RHOT1: variants seen among roughly 807,000 people sequenced by gnomAD.
The protein encoded by RHOT1 is mitochondrial Rho GTPase 1.
Under a neutral mutation model 95.3 loss-of-function variants are expected in RHOT1, and 27 were observed. The ratio of observed to expected loss-of-function variants is 0.28; its 90% CI spans 0.21 to 0.39. RHOT1 has a LOEUF of 0.39. Ranked by LOEUF, RHOT1 falls within the 10% of genes least tolerant of loss-of-function variation. The pLI, the probability that RHOT1 is intolerant of heterozygous loss-of-function variation, is 1.00. For synonymous variants in RHOT1, 227 were observed against 263.5 expected (o/e 0.86, Z 1.34); for missense variants, 578 against 786.7 (o/e 0.73, Z 3.17).
chr17:32,192,053 G>A lies in RHOT1; in HGVS notation c.541-148G>A. 2 of 543,698 alleles carry A rather than the reference G, an allele frequency of 3.7e-6. 1 individual carries two copies. Among genetic ancestry groups the A allele is most frequent in the South Asian group, 5.5e-5 (2 of 36,646 alleles). The allele number at this position is 543,698 out of a possible 1,614,324, so 33.7% of individuals were successfully genotyped here. A position where few individuals can be genotyped will look rare whatever the true frequency, so the allele number is the denominator to read the frequency against. The stretch of plus-strand genomic sequence containing the variant: ...AATATTGCCTCATTTACTTAAAAAG[G>A]CTTGCATATAAAGTAAATGGCTTTG... On this transcript the variant is annotated intron_variant, in intron 8 of 19. Transcript: ENST00000545287.
chr17:32,171,276 A>T (rs1234885027), intron 2 of RHOT1, among the ~76,000 whole-genome samples, 175 bp downstream of exon 2: 1 of 152,140 alleles, frequency 6.6e-6, no homozygotes, highest in Non-Finnish European at 1.5e-5. Context: ...GCTGGAGTGC[A>T]GTGGTGCCAT....
chr17:32,149,417 A>C (rs1460438961), intron 1 of RHOT1, among the ~76,000 whole-genome samples: 3 of 147,612 alleles, frequency 2.0e-5, no homozygotes, highest in Admixed American at 6.8e-5. Flanking sequence ...TGTTTATATC[A>C]TATTTGCCAT....
At chr17:32,216,933 A>G (rs1342594356) in intron 19 of RHOT1, among the ~76,000 whole-genome samples, 23 of 152,128 alleles carry the variant, frequency 1.5e-4, no homozygotes, top group Non-Finnish European at 1.5e-5. Flanking sequence ...TCCTTATAAG[A>G]CTGTTTGTGA....
intron 18 of RHOT1, chr17:32,208,530 G>A: frequency 3.8e-6 from 2 of 532,736 alleles, no homozygotes; most frequent in Non-Finnish European, 3.4e-6. Context: ...TTTTTGAGCA[G>A]GCTGTAACTA....
At chr17:32,182,988 C>A in intron 7 of RHOT1, 123 bp downstream of exon 7, 1 of 763,158 alleles carries the variant, frequency 1.3e-6, no homozygotes, top group Non-Finnish European at 2.1e-6. Flanking sequence ...TCACGTAAAC[C>A]AAATAAAACA....
chr17:32,192,501 A>G (rs2036564828), intron 9 of RHOT1, among the ~76,000 whole-genome samples: 1 of 152,018 alleles, frequency 6.6e-6, no homozygotes, highest in East Asian at 1.9e-4. Context: ...TGATAGCTTC[A>G]TTTTATGGTA....
intron 1 of RHOT1, among the ~76,000 whole-genome samples, chr17:32,151,987 C>T (rs149441981): frequency 0.014 from 2,177 of 151,270 alleles, 25 homozygotes; most frequent in Non-Finnish European, 0.021. Context: ...ACTTCACAAA[C>T]TAGATGGTAT....
intron 6 of RHOT1, among the ~76,000 whole-genome samples, chr17:32,178,405 T>C (rs540107761): frequency 6.6e-6 from 1 of 152,256 alleles, no homozygotes; most frequent in South Asian, 2.1e-4. Flanking sequence ...TTGACCGGGC[T>C]GGTCTCCAGC....
At chr17:32,177,033 T>TA (rs1349306806) in intron 6 of RHOT1, among the ~76,000 whole-genome samples, 2 of 152,208 alleles carry the variant, frequency 1.3e-5, no homozygotes, top group Non-Finnish European at 2.9e-5. Context: ...CCCTCTGTCT[T>TA]ACATATTTTG....
chr17:32,155,684 G>A (rs1048980727), intron 1 of RHOT1, among the ~76,000 whole-genome samples: 16 of 150,988 alleles, frequency 1.1e-4, no homozygotes, highest in African/African-American at 3.4e-4. Flanking sequence ...CTGAGACTAT[G>A]GGTGTGTGCC....
At chr17:32,183,905 C>T (rs759413904) in intron 8 of RHOT1, among the ~76,000 whole-genome samples, 15 of 152,248 alleles carry the variant, frequency 9.9e-5, no homozygotes, top group Middle Eastern at 6.8e-3. Context: ...AGGCTGATCT[C>T]GAACTCCTGA....
chr17:32,193,204 T>C lies in RHOT1; in HGVS notation c.708T>C (p.His236=). The change falls in exon 10 of 20, where the codon CAT becomes CAC. Residue 236 remains histidine (H), a synonymous_variant. Transcript: ENST00000545287. ...LEDVKNVVRK[H]ISDGVADSGL... is the part of the protein sequence containing the mutation. ...ATGTCAAGAATGTAGTCAGAAAACA[T>C]ATAAGTGATGGTGTGGCTGACAGTG... is the stretch of plus-strand genomic sequence containing the variant. 6.2e-7 allele frequency: 1 copy of C among 1,613,780 alleles called. No individual in the cohort carries two copies. Among genetic ancestry groups the C allele is most frequent in the South Asian group, 1.1e-5 (1 of 91,024 alleles).
chr17:32,208,037 G>T, intron 17 of RHOT1, 70 bp from the exon 18 acceptor site: 2 of 1,378,620 alleles, frequency 1.5e-6, no homozygotes, highest in Non-Finnish European at 2.0e-6. Flanking sequence ...GGAAATGCTT[G>T]GTTCACATTT....
intron 8 of RHOT1, among the ~76,000 whole-genome samples, chr17:32,184,695 G>A (rs1277629316): frequency 6.6e-6 from 1 of 151,660 alleles, no homozygotes; most frequent in African/African-American, 2.4e-5. Context: ...ACAGGGTTTC[G>A]CCATGTTGCC....
At chr17:32,144,334 G>A (rs1343928705) in intron 1 of RHOT1, among the ~76,000 whole-genome samples, 1 of 151,734 alleles carries the variant, frequency 6.6e-6, no homozygotes, top group Non-Finnish European at 1.5e-5. Context: ...GATCACTTGA[G>A]GTCAGGAGTT....
chr17:32,171,607 T>G (rs958987372), intron 2 of RHOT1, among the ~76,000 whole-genome samples: 3 of 152,228 alleles, frequency 2.0e-5, no homozygotes, highest in Non-Finnish European at 4.4e-5. Context: ...GACCCTTTCT[T>G]AAAAATAAAA....
intron 6 of RHOT1, among the ~76,000 whole-genome samples, chr17:32,178,210 C>G (rs188307561): frequency 0.014 from 2,108 of 149,380 alleles, 20 homozygotes; most frequent in Non-Finnish European, 0.022. Context: ...CCCTCCCCCC[C>G]CCCAGTGATC....
intron 19 of RHOT1, among the ~76,000 whole-genome samples, chr17:32,217,945 C>G (rs778215747): frequency 6.6e-6 from 1 of 151,572 alleles, no homozygotes; most frequent in South Asian, 2.1e-4. Context: ...TCATCGCAAC[C>G]CCCACCTCCC....
intron 1 of RHOT1, among the ~76,000 whole-genome samples, chr17:32,164,119 C>T (rs190225121): frequency 1.3e-5 from 2 of 152,078 alleles, no homozygotes; most frequent in East Asian, 1.9e-4. Context: ...CGCGCCACTG[C>T]GCGAAAAGAA....
Sources: allele counts gnomAD v4.1 joint callset (sites outside exome capture counted in the v4.1 genomes callset), GRCh38; gene constraint gnomAD v4.1.1; transcripts MANE v1.5; gene names NCBI Gene and HGNC (gene_info 2026-07-23, HGNC 2026-07-21).